Variants in CSMD1 observed in about 807,000 individuals in gnomAD.
CSMD1 encodes CUB and sushi domain-containing protein 1.
In CSMD1, 213 loss-of-function variants were observed where a neutral mutation model predicts 417.5. That is an observed-to-expected ratio of 0.51 (90% CI 0.46 to 0.57). The LOEUF is 0.57. Ranked by LOEUF, CSMD1 falls within the 20% of genes least tolerant of loss-of-function variation. The pLI, the probability that CSMD1 is intolerant of heterozygous loss-of-function variation, is 0.00. For missense variants in CSMD1, 6,923 were observed against 4,529.7 expected (o/e 1.53, Z -15.17); for synonymous variants, 2,862 against 1,736.8 (o/e 1.65, Z -16.11).
intron 3 of CSMD1, among the ~76,000 whole-genome samples, chr8:4,046,318 G>A (rs980286531): frequency 1.3e-5 from 2 of 151,918 alleles, no homozygotes; most frequent in African/African-American, 4.8e-5. Context: ...TCTTTGTCCT[G>A]GAAGTTAGCT....
intron 10 of CSMD1, among the ~76,000 whole-genome samples, chr8:3,525,696 T>A (rs1379457838): frequency 2.0e-5 from 3 of 152,188 alleles, no homozygotes; most frequent in Non-Finnish European, 4.4e-5. Flanking sequence ...GTACCCAGCT[T>A]CCTATGAACC....
intron 5 of CSMD1, among the ~76,000 whole-genome samples, chr8:3,888,942 A>C (rs190297634): frequency 4.6e-5 from 7 of 152,320 alleles, no homozygotes; most frequent in South Asian, 4.1e-4. Context: ...GTTTATGTGA[A>C]GATTTTATTA....
chr8:2,986,300 A>G (rs971158651), intron 54 of CSMD1, among the ~76,000 whole-genome samples: 5 of 152,116 alleles, frequency 3.3e-5, no homozygotes, highest in African/African-American at 1.2e-4. Context: ...TGAAGAGGGT[A>G]CTGTGGCTAC....
intron 23 of CSMD1, among the ~76,000 whole-genome samples, chr8:3,314,216 C>T (rs992047321): frequency 6.6e-6 from 1 of 151,982 alleles, no homozygotes; most frequent in Non-Finnish European, 1.5e-5. Flanking sequence ...CACATGTATA[C>T]ATATGTAACA....
intron 1 of CSMD1, among the ~76,000 whole-genome samples, chr8:4,716,001 C>A (rs762485491): frequency 7.9e-5 from 12 of 152,114 alleles, no homozygotes; most frequent in Non-Finnish European, 1.8e-4. Flanking sequence ...TACCAGTGGT[C>A]CAAAGAGCAC....
chr8:4,674,137 G>A (rs1364544301), intron 1 of CSMD1, among the ~76,000 whole-genome samples: 1 of 152,150 alleles, frequency 6.6e-6, no homozygotes, highest in Admixed American at 6.5e-5. Flanking sequence ...CACAGCAGAT[G>A]TCCACTGGAA....
intron 2 of CSMD1, among the ~76,000 whole-genome samples, chr8:4,599,485 A>G (rs1800468921): frequency 6.6e-6 from 1 of 152,086 alleles, no homozygotes; most frequent in African/African-American, 2.4e-5. Flanking sequence ...ATTTGAGTGG[A>G]ACTTCTAAAT....
At chr8:3,820,870 G>T (rs1360149592) in intron 5 of CSMD1, among the ~76,000 whole-genome samples, 1 of 151,894 alleles carries the variant, frequency 6.6e-6, no homozygotes, top group Admixed American at 6.6e-5. Context: ...AGGTCACAAT[G>T]CCTTCTTCGG....
chr8:3,678,243 T>C (rs140112039), intron 7 of CSMD1, among the ~76,000 whole-genome samples: 23,695 of 152,188 alleles, frequency 0.16, 2,080 homozygotes, highest in South Asian at 0.22. Context: ...TTCTCCGAGC[T>C]AAAGGAGGAA....
intron 1 of CSMD1, among the ~76,000 whole-genome samples, chr8:4,809,423 C>T (rs1456451591): frequency 6.6e-6 from 1 of 152,042 alleles, no homozygotes; most frequent in Non-Finnish European, 1.5e-5. Context: ...GTTAAATTTC[C>T]AAACATTACC....
intron 26 of CSMD1, among the ~76,000 whole-genome samples, chr8:3,235,287 A>G (rs570224954): frequency 2.2e-4 from 34 of 152,300 alleles, no homozygotes; most frequent in African/African-American, 7.7e-4. Flanking sequence ...AGATGTTTTC[A>G]TTTCTCATTC....
intron 45 of CSMD1, chr8:3,107,223 C>A (rs1473194832): frequency 6.4e-6 from 1 of 156,192 alleles, no homozygotes; most frequent in Non-Finnish European, 1.4e-5. Flanking sequence ...TAAATTAGAT[C>A]ATTAATGTAA....
intron 41 of CSMD1, among the ~76,000 whole-genome samples, chr8:3,120,143 T>C (rs1388563251): frequency 1.3e-5 from 2 of 152,130 alleles, no homozygotes. Flanking sequence ...TGTTTCTGTG[T>C]TCAGGACCTG....
chr8:3,149,324 C>A (rs1024642559), intron 40 of CSMD1, among the ~76,000 whole-genome samples: 7 of 152,036 alleles, frequency 4.6e-5, no homozygotes, highest in Non-Finnish European at 8.8e-5. Context: ...TACAATGTTT[C>A]CAGTTAGTTT....
intron 2 of CSMD1, among the ~76,000 whole-genome samples, chr8:4,578,332 A>ATTTTTTTTTTTT (rs1172600205): frequency 0.02 from 977 of 48,752 alleles, 112 homozygotes; most frequent in Admixed American, 0.033. Context: ...CACCCGGCTC[A>ATTTTTTTTTTTT]TTTTTTTTTT....
intron 1 of CSMD1, among the ~76,000 whole-genome samples, chr8:4,899,930 G>C (rs181407686): frequency 2.4e-4 from 36 of 152,246 alleles, no homozygotes; most frequent in Admixed American, 1.6e-3. Flanking sequence ...CCAGAGTCTT[G>C]TTCACAGTAG....
chr8:4,696,114 T>C (rs1157092433), intron 1 of CSMD1, among the ~76,000 whole-genome samples: 1 of 152,212 alleles, frequency 6.6e-6, no homozygotes, highest in African/African-American at 2.4e-5. Context: ...ACAAGGATAA[T>C]GCCTTGAAGA....
rs542765675 is a variant in CSMD1, at chr8:3,219,299, C to T, written c.4628G>A (p.Ser1543Asn). ...CCCTGAAAGGCCCACGGAGGCATCA[C>T]TCCGAAATGCCAGAAACAGGCTGTT... Reference protein sequence around the residue: ...SGNSLFLAFRSDASVGLSGFA... With the variant: ...SGNSLFLAFRNDASVGLSGFA... The change falls in exon 29 of 70, where the codon AGT (serine) becomes AAT (asparagine). Residue 1543 changes from serine (S) to asparagine (N), a missense_variant. By Grantham distance (46) the Ser-to-Asn change is conservative. Transcript: ENST00000635120. 3 of 1,593,522 alleles carry T rather than the reference C, an allele frequency of 1.9e-6. No individual in the cohort carries two copies. The highest frequency in any genetic ancestry group is 2.6e-6 in the Non-Finnish European group (3 of 1,169,098).
intron 3 of CSMD1, among the ~76,000 whole-genome samples, chr8:4,146,273 G>A (rs183917306): frequency 4.0e-5 from 6 of 150,894 alleles, no homozygotes; most frequent in Admixed American, 1.3e-4. Context: ...GCAGTAATTC[G>A]CGTAGTGCAG....
Sources: allele counts gnomAD v4.1 joint callset (sites outside exome capture counted in the v4.1 genomes callset), GRCh38; gene constraint gnomAD v4.1.1; transcripts MANE v1.5; gene names NCBI Gene and HGNC (gene_info 2026-07-23, HGNC 2026-07-21).